Variants in ATP8B4 observed in about 807,000 individuals in gnomAD.
The protein encoded by ATP8B4 is ATPase phospholipid transporting 8B4 (putative).
ATP8B4 carries 133 observed loss-of-function variants against 145.6 expected under a neutral mutation model. The ratio of observed to expected loss-of-function variants is 0.91; its 90% confidence interval spans 0.79 to 1.05. The LOEUF is 1.05. Ranked by LOEUF, ATP8B4 falls within the 50% of genes least tolerant of loss-of-function variation. The pLI, the probability that ATP8B4 is intolerant of heterozygous loss-of-function variation, is 0.00. For synonymous variants in ATP8B4, 507 were observed against 492.9 expected, an observed-to-expected ratio of 1.03 and a Z score of -0.38; for missense variants, 1,458 against 1,425.2, an observed-to-expected ratio of 1.02 and a Z score of -0.37.
chr15:50,037,160 A>C (rs1332850809), intron 6 of ATP8B4, among the ~76,000 whole-genome samples: 4 of 152,214 alleles, frequency 2.6e-5, no homozygotes, highest in Admixed American at 1.3e-4. Flanking sequence ...AGACATTAAA[A>C]GATATGCTAG....
At chr15:50,052,814 T>C (rs1179901407) in intron 3 of ATP8B4, among the ~76,000 whole-genome samples, 2 of 152,156 alleles carry the variant, frequency 1.3e-5, no homozygotes, top group Admixed American at 6.5e-5. Context: ...TTCCTCAGAA[T>C]ACATACTAAG....
chr15:49,968,066 G>A (rs1749663303), intron 13 of ATP8B4, among the ~76,000 whole-genome samples: 1 of 152,120 alleles, frequency 6.6e-6, no homozygotes, highest in Non-Finnish European at 1.5e-5. Context: ...TTACAGACAA[G>A]GAAATGTTGA....
upstream of ATP8B4, among the ~76,000 whole-genome samples, chr15:50,119,752 C>CTTTTTTTTTT (rs572570694): frequency 7.6e-4 from 70 of 91,598 alleles, no homozygotes; most frequent in African/African-American, 2.9e-3. Context: ...GTTTTTGTCA[C>CTTTTTTTTTT]TTTTTTTTTT....
At chr15:50,087,085 TATTA>T (rs1270883538) in intron 2 of ATP8B4, among the ~76,000 whole-genome samples, 1 of 107,034 alleles carries the variant, frequency 9.3e-6, no homozygotes, top group Non-Finnish European at 1.7e-5. Flanking sequence ...TAGAGATCTA[TATTA>T]TATATAATAA....
Position 50,024,185 on chromosome 15 carries a change from G to A in ATP8B4, c.363-13268C>T, listed in dbSNP as rs906811340. Among the ~76,000 whole-genome samples, 5 of 152,114 alleles carry A rather than the reference G, an allele frequency of 3.3e-5. No individual in the cohort carries two copies. The South Asian group carries it at 8.3e-4, about 25-fold the overall frequency. On this transcript the variant is annotated intron_variant, in intron 6 of 27. Transcript: ENST00000284509. ...ATTTGCAGAGCTGAGTTCTCACAGT[G>A]GTTAAGTCTGGATTTGTCCACCCTG...
At chr15:50,181,313 T>C (rs1026243654) in intron 1 of ATP8B4, among the ~76,000 whole-genome samples, 10 of 152,352 alleles carry the variant, frequency 6.6e-5, no homozygotes, top group African/African-American at 2.4e-4. Context: ...CGTACAGAAG[T>C]AGCACTAAGG....
At chr15:49,996,864 A>G in intron 8 of ATP8B4, 105 bp from the exon 9 acceptor site, 1 of 784,406 alleles carries the variant, frequency 1.3e-6, no homozygotes. Flanking sequence ...AACCCAAGAG[A>G]TCCAAGAAAC....
intron 27 of ATP8B4, among the ~76,000 whole-genome samples, chr15:49,861,192 C>T (rs116326683): frequency 2.0e-5 from 3 of 152,072 alleles, no homozygotes; most frequent in Non-Finnish European, 4.4e-5. Context: ...CAGGAGAAAA[C>T]CATCAAGCAG....
intron 7 of ATP8B4, among the ~76,000 whole-genome samples, chr15:50,006,867 A>G (rs2048338781): frequency 1.3e-5 from 2 of 152,206 alleles, no homozygotes; most frequent in African/African-American, 4.8e-5. Context: ...TGTCCAGTGA[A>G]GGAGAAAGGT....
At chr15:50,108,561 GC>G (rs1405466845) in intron 1 of ATP8B4, among the ~76,000 whole-genome samples, 4 of 152,162 alleles carry the variant, frequency 2.6e-5, no homozygotes, top group Non-Finnish European at 5.9e-5. Context: ...ATACAACTCA[GC>G]CTCTTTCCAT....
chr15:49,935,553 CAA>C (rs2041662785), intron 14 of ATP8B4, among the ~76,000 whole-genome samples: 1 of 151,984 alleles, frequency 6.6e-6, no homozygotes, highest in African/African-American at 2.4e-5. Context: ...GCAATACATG[CAA>C]AGAGTTACAA....
chr15:50,152,421 A>G (rs2044359820), intron 1 of ATP8B4, among the ~76,000 whole-genome samples: 1 of 152,206 alleles, frequency 6.6e-6, no homozygotes. Context: ...TATTCATATC[A>G]ATAACATGCC....
rs868159787 is a variant in ATP8B4, at chr15:50,072,937, T to C, written c.87+1190A>G. ...TGTGCCCGGCCTCTCTCTCTCTCTC[T>C]CTCTCTCTCTCTCTCTCTCTCTCTC... On this transcript the variant is annotated intron_variant, in intron 3 of 27. Transcript: ENST00000284509. Among the ~76,000 whole-genome samples, 51 of 19,354 alleles carry C rather than the reference T, an allele frequency of 2.6e-3. 1 individual carries two copies. Among genetic ancestry groups the C allele is most frequent in the African/African-American group, 9.7e-3 (48 of 4,934 alleles). 12.7% of individuals were successfully genotyped at this position (19,354 alleles called of 152,430 possible). A position where few individuals can be genotyped will look rare whatever the true frequency, so the allele number is the denominator to read the frequency against.
chr15:50,114,836 C>G (rs1284719924), intron 1 of ATP8B4, among the ~76,000 whole-genome samples: 1 of 152,136 alleles, frequency 6.6e-6, no homozygotes, highest in African/African-American at 2.4e-5. Context: ...TTTTTTAACT[C>G]TCCACATGGA....
intron 20 of ATP8B4, among the ~76,000 whole-genome samples, chr15:49,903,943 T>C (rs1468240536): frequency 6.6e-6 from 1 of 151,786 alleles, no homozygotes; most frequent in Non-Finnish European, 1.5e-5. Context: ...AACCATGACA[T>C]CCTGTTTAAA....
chr15:49,927,667 C>T (rs568333001), intron 16 of ATP8B4, among the ~76,000 whole-genome samples: 9 of 152,194 alleles, frequency 5.9e-5, no homozygotes, highest in African/African-American at 2.2e-4. Flanking sequence ...AAAAGCCAAA[C>T]ATCTCCCTGT....
intron 1 of ATP8B4, among the ~76,000 whole-genome samples, chr15:50,134,343 A>G (rs2044093186): frequency 2.0e-5 from 3 of 152,196 alleles, no homozygotes; most frequent in Admixed American, 2.0e-4. Flanking sequence ...GAAAGTTGCA[A>G]TGGGAAAGAA....
chr15:49,983,378 C>T (rs1297135892), intron 10 of ATP8B4, among the ~76,000 whole-genome samples: 1 of 152,176 alleles, frequency 6.6e-6, no homozygotes, highest in Non-Finnish European at 1.5e-5. Flanking sequence ...GAAGAAACCT[C>T]AGTCATAGTT....
rs930856530 is a variant in ATP8B4, at chr15:49,917,164, G to C, written c.2036-125C>G. On this transcript the variant is annotated intron_variant, in intron 19 of 27. Coordinates refer to ENST00000284509, the MANE Select transcript of ATP8B4 (RefSeq NM_024837.4). The stretch of plus-strand genomic sequence containing the variant: ...CTACAGGGGGCTGATGTCAGAGAGA[G>C]CACAACAGGTGATAAAATACAAGCA... The C allele has an allele frequency of 7.6e-6, 6 of 790,020 alleles. No homozygotes were observed. In the Admixed American group the frequency reaches 1.4e-4, roughly 19 times the overall value. 48.9% of individuals were successfully genotyped at this position (790,020 alleles called of 1,614,324 possible).
Sources: allele counts gnomAD v4.1 joint callset (sites outside exome capture counted in the v4.1 genomes callset), GRCh38; gene constraint gnomAD v4.1.1; transcripts MANE v1.5; gene names NCBI Gene and HGNC (gene_info 2026-07-23, HGNC 2026-07-21).